AFDN: variants seen among roughly 807,000 people sequenced by gnomAD.
AFDN encodes the protein afadin.
In AFDN, 68 loss-of-function variants were observed where a neutral mutation model predicts 216.6. The observed-to-expected ratio is 0.31, with a 90% confidence interval of 0.26 to 0.38. The LOEUF (loss-of-function observed/expected upper bound fraction) is 0.38. AFDN is among the 10% of genes least tolerant of loss of function. The pLI, the probability that AFDN is intolerant of heterozygous loss-of-function variation, is 1.00. For missense variants in AFDN, 2,136 were observed against 2,342.0 expected (o/e 0.91, Z 1.82); for synonymous variants, 868 against 853.7 (o/e 1.02, Z -0.29).
intron 8 of AFDN, among the ~76,000 whole-genome samples, chr6:167,891,496 TA>T (rs1278782826): frequency 1.3e-5 from 2 of 151,324 alleles, no homozygotes; most frequent in African/African-American, 2.4e-5. Flanking sequence ...AGAATATCTT[TA>T]AATTTTATAT....
intron 5 of AFDN, among the ~76,000 whole-genome samples, chr6:167,877,771 C>T (rs937917596): frequency 3.9e-5 from 6 of 152,184 alleles, no homozygotes; most frequent in African/African-American, 9.7e-5. Context: ...CACCTGTGAA[C>T]ACCACTTCTC....
chr6:167,878,833 C>T (rs529286342), intron 5 of AFDN, among the ~76,000 whole-genome samples: 4 of 152,258 alleles, frequency 2.6e-5, no homozygotes, highest in East Asian at 1.9e-4. Context: ...TGCTGGTCCC[C>T]TGCTGAGACA....
At chr6:167,836,288 G>A (rs745868435) in intron 1 of AFDN, among the ~76,000 whole-genome samples, 1 of 152,166 alleles carries the variant, frequency 6.6e-6, no homozygotes, top group Non-Finnish European at 1.5e-5. Flanking sequence ...TTATGCTGTT[G>A]TTTAATGTGG....
chr6:167,968,988 G>T (rs1442037478), intron 32 of AFDN, 126 bp from the exon 33 acceptor site: 1 of 708,098 alleles, frequency 1.4e-6, no homozygotes, highest in Non-Finnish European at 2.5e-6. Context: ...CAATATGAGG[G>T]GTCTTTTACC....
intron 9 of AFDN, among the ~76,000 whole-genome samples, chr6:167,896,338 G>C (rs1479126772): frequency 6.6e-6 from 1 of 152,142 alleles, no homozygotes; most frequent in Non-Finnish European, 1.5e-5. Flanking sequence ...AATTACTTGG[G>C]GTGATTTTTC....
At chr6:167,852,233 T>C (rs1782400630) in intron 1 of AFDN, among the ~76,000 whole-genome samples, 1 of 152,180 alleles carries the variant, frequency 6.6e-6, no homozygotes, top group African/African-American at 2.4e-5. Flanking sequence ...GGTTTTGCAG[T>C]TAATTTATTT....
At chr6:167,965,438 G>A (rs1307523323) in intron 31 of AFDN, among the ~76,000 whole-genome samples, 1 of 152,196 alleles carries the variant, frequency 6.6e-6, no homozygotes, top group Non-Finnish European at 1.5e-5. Context: ...GGAGCGTGGA[G>A]GAAGGAAAGA....
intron 23 of AFDN, among the ~76,000 whole-genome samples, chr6:167,941,945 A>G (rs944921144): frequency 1.3e-5 from 2 of 152,252 alleles, no homozygotes; most frequent in Admixed American, 6.5e-5. Flanking sequence ...AATTTGAAGT[A>G]TATACTGCTC....
chr6:167,923,009 A>C lies in AFDN; in HGVS notation c.3012+50A>C, dbSNP rs1426210931. ...AGTGAAATGGATCCTTAGGACTTGA[A>C]GATGTGATGCAGATTTGTTTCTTTC... On this transcript the variant is annotated intron_variant, in intron 22 of 33. Transcript: ENST00000683244. 3 of 1,272,174 alleles carry C rather than the reference A, an allele frequency of 2.4e-6. No individual in the cohort carries two copies. The Admixed American group carries it at 5.4e-5, about 23-fold the overall frequency. The allele number at this position is 1,272,174 out of a possible 1,614,324, so 78.8% of individuals were successfully genotyped here.
intron 7 of AFDN, 82 bp downstream of exon 7, chr6:167,889,408 A>G: frequency 4.2e-6 from 4 of 942,314 alleles, no homozygotes; most frequent in South Asian, 3.0e-5. Flanking sequence ...GATGTAGGAG[A>G]TGTGTACGTT....
Position 167,911,277 on chromosome 6 carries a change from T to C in AFDN, c.1832-7T>C, listed in dbSNP as rs759674689. ...CTTTTTTCTTTGTTTTTGAAATCTTTCCACAGCTGAAGATTCATTTTTGTC... is the reference window on the plus strand; with the variant it reads ...CTTTTTTCTTTGTTTTTGAAATCTTCCCACAGCTGAAGATTCATTTTTGTC... On this transcript the variant is annotated splice_polypyrimidine_tract_variant and splice_region_variant and intron_variant, in intron 14 of 33. Coordinates refer to ENST00000683244, the MANE Select transcript of AFDN (RefSeq NM_001386888.1). 6.8e-6 allele frequency: 11 copies of C among 1,612,438 alleles called. No homozygotes were observed. The highest frequency in any genetic ancestry group is 6.7e-5 in the East Asian group (3 of 44,884).
At chr6:167,876,615 A>T (rs1464250227) in intron 5 of AFDN, among the ~76,000 whole-genome samples, 2 of 152,232 alleles carry the variant, frequency 1.3e-5, no homozygotes, top group Non-Finnish European at 2.9e-5. Context: ...TTCTGAATGT[A>T]TTCTATGGTT....
chr6:167,844,630 A>G (rs1781436951), intron 1 of AFDN, among the ~76,000 whole-genome samples: 1 of 152,090 alleles, frequency 6.6e-6, no homozygotes, highest in Admixed American at 6.5e-5. Flanking sequence ...TTTGAGTCAA[A>G]GGCTGTACTT....
chr6:167,943,606 G>A (rs1020935853), intron 25 of AFDN, 131 bp downstream of exon 25: 19 of 679,890 alleles, frequency 2.8e-5, no homozygotes, highest in Admixed American at 5.3e-5. Flanking sequence ...TATAGTGTAC[G>A]TGACATTTCA....
At position 167,836,654 on chromosome 6, in the gene AFDN, GTGT is replaced by G. The variant is rs201640068; in HGVS notation, c.105+9422_105+9424del. ...CACCTTGTTTTGCACAAAATATATT[GTGT>G]TGTTAATTTATGGATGAGTGCAAAT... On this transcript the variant is annotated intron_variant, in intron 1 of 33. Transcript: ENST00000683244. Among the ~76,000 whole-genome samples the G allele has an allele frequency of 6.3e-3, 959 of 152,238 alleles. 9 individuals are homozygous for G. Among genetic ancestry groups the G allele is most frequent in the Middle Eastern group, 0.037 (11 of 294 alleles).
At chr6:167,937,001 C>G (rs993168029) in intron 23 of AFDN, among the ~76,000 whole-genome samples, 1 of 152,112 alleles carries the variant, frequency 6.6e-6, no homozygotes, top group Admixed American at 6.5e-5. Flanking sequence ...TTTTTATGAT[C>G]AGTTTATGAC....
chr6:167,947,555 G>A (rs1367045509), intron 27 of AFDN, among the ~76,000 whole-genome samples: 3 of 152,194 alleles, frequency 2.0e-5, no homozygotes, highest in African/African-American at 7.2e-5. Context: ...AGGAGACAAA[G>A]GCTCACAAAG....
chr6:167,943,813 A>G lies in AFDN; in HGVS notation c.3240-128A>G, dbSNP rs546252380. ...GTAGTGAGTAAGCTGTCTGGAAGTC[A>G]GAACCATTACTCAAAATAATAGATG... On this transcript the variant is annotated intron_variant, in intron 25 of 33. Transcript: ENST00000683244. 187 of 833,324 alleles carry G rather than the reference A, an allele frequency of 2.2e-4. 1 individual carries two copies. The highest frequency in any genetic ancestry group is 1.2e-3 in the Middle Eastern group (4 of 3,246). 51.6% of individuals were successfully genotyped at this position (833,324 alleles called of 1,614,324 possible).
intron 30 of AFDN, among the ~76,000 whole-genome samples, chr6:167,955,839 G>A (rs931776111): frequency 2.6e-5 from 4 of 151,948 alleles, no homozygotes; most frequent in Non-Finnish European, 5.9e-5. Flanking sequence ...TTCTTGGGTG[G>A]GCACAGTGGT....
Sources: allele counts gnomAD v4.1 joint callset (sites outside exome capture counted in the v4.1 genomes callset), GRCh38; gene constraint gnomAD v4.1.1; transcripts MANE v1.5; gene names NCBI Gene and HGNC (gene_info 2026-07-23, HGNC 2026-07-21).